Variants in EFHC2 observed in about 807,000 individuals in gnomAD.
The protein encoded by EFHC2 is EF-hand domain containing 2, also known as EF-hand domain-containing family member C2.
EFHC2 carries 18 observed loss-of-function variants against 52.7 expected under a neutral mutation model. That is an observed-to-expected ratio of 0.34 (90% CI 0.24 to 0.51). The LOEUF (loss-of-function observed/expected upper bound fraction) is 0.51. Among genes scored for constraint, EFHC2 ranks in the 20% least tolerant of loss-of-function variants. The pLI is 0.97. For synonymous variants in EFHC2, 203 were observed against 204.1 expected (o/e 0.99, Z 0.04); for missense variants, 513 against 562.5 (o/e 0.91, Z 0.89).
chrX:44,242,738 C>T (rs2037369761), intron 7 of EFHC2, among the ~76,000 whole-genome samples: 1 of 110,916 alleles, frequency 9.0e-6, no homozygotes, highest in African/African-American at 3.3e-5. Flanking sequence ...CCTGACTATT[C>T]ACCTTTATCC....
Position 44,294,249 on chromosome X carries a change from C to CGTGTGT in EFHC2, c.231+18313_231+18318dup, listed in dbSNP as rs200162737. Among the ~76,000 whole-genome samples the CGTGTGT allele has an allele frequency of 4.8e-3, 420 of 87,491 alleles. 1 individual carries two copies. The highest frequency in any genetic ancestry group is 0.018 in the Middle Eastern group (3 of 168). 76.0% of individuals were successfully genotyped at this position (87,491 alleles called of 115,157 possible). A position where few individuals can be genotyped will look rare whatever the true frequency, so the allele number is the denominator to read the frequency against. On this transcript the variant is annotated intron_variant, in intron 2 of 14. Transcript: ENST00000420999. ...AAGTTTTCAGATTTGGTATACTCAA[C>CGTGTGT]GTGTGTGTGTGTGTGTGTGTGTGTG...
intron 4 of EFHC2, among the ~76,000 whole-genome samples, chrX:44,252,981 G>A (rs1207336534): frequency 9.0e-6 from 1 of 111,069 alleles, no homozygotes; most frequent in African/African-American, 3.3e-5. Context: ...CCCACGGAGG[G>A]CGAGCTGAAG....
At chrX:44,307,192 C>T (rs2037912074) in intron 2 of EFHC2, among the ~76,000 whole-genome samples, 1 of 111,034 alleles carries the variant, frequency 9.0e-6, no homozygotes, top group African/African-American at 3.3e-5. Flanking sequence ...CAGCATGGAT[C>T]TGGGTGGGCA....
At chrX:44,342,633 T>C (rs768585992) in intron 1 of EFHC2, among the ~76,000 whole-genome samples, 1 of 110,781 alleles carries the variant, frequency 9.0e-6, no homozygotes, top group Admixed American at 9.6e-5. Flanking sequence ...TCCCAGCACT[T>C]TGGGAGACCG....
At chrX:44,221,044 CATT>C (rs1306836587) in intron 11 of EFHC2, among the ~76,000 whole-genome samples, 5 of 111,757 alleles carry the variant, frequency 4.5e-5, no homozygotes, top group Non-Finnish European at 9.4e-5. Context: ...AATATTTCAT[CATT>C]GTTTCAGTTT....
chrX:44,274,097 T>C (rs1215737027), intron 2 of EFHC2, among the ~76,000 whole-genome samples: 1 of 112,312 alleles, frequency 8.9e-6, no homozygotes, highest in Non-Finnish European at 1.9e-5. Flanking sequence ...ATAAATGATA[T>C]TAGAATAAAT....
At chrX:44,221,381 T>C (rs919040513) in intron 11 of EFHC2, among the ~76,000 whole-genome samples, 31 of 111,878 alleles carry the variant, frequency 2.8e-4, no homozygotes, top group African/African-American at 1.0e-3. Flanking sequence ...ACCAAATCTT[T>C]ATTAATAATC....
At chrX:44,263,619 C>T (rs761114888) in intron 3 of EFHC2, among the ~76,000 whole-genome samples, 2 of 112,007 alleles carry the variant, frequency 1.8e-5, no homozygotes, top group African/African-American at 3.2e-5. Flanking sequence ...TAATTCATAG[C>T]ACTGAAAACA....
intron 4 of EFHC2, among the ~76,000 whole-genome samples, chrX:44,260,326 A>G (rs982989530): frequency 8.9e-6 from 1 of 111,898 alleles, no homozygotes; most frequent in Non-Finnish European, 1.9e-5. Flanking sequence ...GATGGAAATC[A>G]GGGTAAGAGT....
intron 14 of EFHC2, among the ~76,000 whole-genome samples, chrX:44,157,115 A>G (rs1209231344): frequency 1.8e-5 from 2 of 112,604 alleles, no homozygotes; most frequent in African/African-American, 6.4e-5. Context: ...ACCAAAGGAC[A>G]GTAGGACTAA....
At chrX:44,250,074 C>A in intron 5 of EFHC2, 120 bp downstream of exon 5, 1 of 873,413 alleles carries the variant, frequency 1.1e-6, no homozygotes, top group African/African-American at 2.0e-5. Flanking sequence ...TGAAAGGTTT[C>A]TAAATACCTG....
At chrX:44,172,076 T>C (rs777659395) in intron 13 of EFHC2, among the ~76,000 whole-genome samples, 92 of 111,942 alleles carry the variant, frequency 8.2e-4, no homozygotes, top group Non-Finnish European at 1.7e-3. Flanking sequence ...AATGAGATGA[T>C]TTTAAAGCCC....
chrX:44,248,826 C>T lies in EFHC2; in HGVS notation c.949G>A (p.Gly317Ser), dbSNP rs764253347. ...YGDFIKNQAD[G>S]YLFDRYKLGK... ...CCCTTATATCTATCGAACAGGTAGC[C>T]ATCCGCTTGGTTCTTTATAAAGTCA... The change falls in exon 6 of 15, where the codon GGC becomes AGC. Residue 317 changes from glycine (G) to serine (S), a missense_variant. Physicochemically the swap from Gly to Ser is moderately conservative, Grantham distance 56 (BLOSUM62 0). Coordinates refer to ENST00000420999, the MANE Select transcript of EFHC2 (RefSeq NM_025184.4). 59 of 1,207,029 alleles carry T rather than the reference C, an allele frequency of 4.9e-5. No individual in the cohort carries two copies. The highest frequency in any genetic ancestry group is 5.9e-5 in the Non-Finnish European group (53 of 893,498).
At chrX:44,317,926 G>T (rs1292500083) in intron 1 of EFHC2, among the ~76,000 whole-genome samples, 1 of 112,656 alleles carries the variant, frequency 8.9e-6, no homozygotes, top group African/African-American at 3.2e-5. Flanking sequence ...TTGCTGGTGG[G>T]GATGTACACT....
intron 11 of EFHC2, among the ~76,000 whole-genome samples, 184 bp downstream of exon 11, chrX:44,229,465 T>C (rs907448396): frequency 3.6e-5 from 4 of 112,386 alleles, no homozygotes; most frequent in African/African-American, 1.3e-4. Context: ...ACTCCTTTTA[T>C]ATGTAAATTC....
intron 1 of EFHC2, among the ~76,000 whole-genome samples, chrX:44,313,109 A>AAAAGAAAG (rs1556024250): frequency 4.9e-4 from 51 of 105,045 alleles, no homozygotes; most frequent in Non-Finnish European, 7.6e-4. Context: ...AAAAAAAAAA[A>AAAAGAAAG]AAAGAAAGAA....
At chrX:44,283,110 G>A (rs1038531606) in intron 2 of EFHC2, among the ~76,000 whole-genome samples, 3 of 112,115 alleles carry the variant, frequency 2.7e-5, no homozygotes, top group African/African-American at 9.7e-5. Context: ...AAGGTGTCTT[G>A]TAGTCATTTC....
chrX:44,235,149 A>G (rs2037309019), intron 9 of EFHC2, among the ~76,000 whole-genome samples, 156 bp downstream of exon 9: 1 of 111,264 alleles, frequency 9.0e-6, no homozygotes, highest in South Asian at 3.9e-4. Context: ...CATTTAAGAG[A>G]TCTGTAAAAA....
intron 11 of EFHC2, among the ~76,000 whole-genome samples, chrX:44,201,031 A>C (rs1457941084): frequency 8.9e-6 from 1 of 112,185 alleles, no homozygotes; most frequent in Middle Eastern, 4.2e-3. Flanking sequence ...AGGTTTATGA[A>C]GCAAGTCTCA....
Sources: allele counts gnomAD v4.1 joint callset (sites outside exome capture counted in the v4.1 genomes callset), GRCh38; gene constraint gnomAD v4.1.1; transcripts MANE v1.5; gene names NCBI Gene and HGNC (gene_info 2026-07-23, HGNC 2026-07-21).